The following PSMG2 variants were observed in gnomAD, a reference collection of about 807,000 sequenced individuals.
PSMG2 encodes the protein CD40 ligand-activated specific transcript 3.
A neutral mutation model predicts 31.5 loss-of-function variants in PSMG2; 21 were observed. The observed-to-expected ratio is 0.67, with a 90% CI of 0.47 to 0.96. PSMG2 has a LOEUF of 0.96. Among genes scored for constraint, PSMG2 ranks in the 40% least tolerant of loss-of-function variants. PSMG2 has a pLI of 0.00. For synonymous variants in PSMG2, 120 were observed against 110.4 expected (o/e 1.09, Z -0.54); for missense variants, 318 against 321.2 (o/e 0.99, Z 0.08).
chr18:12,714,766 C>T (rs2040362604), intron 3 of PSMG2, among the ~76,000 whole-genome samples: 1 of 152,022 alleles, frequency 6.6e-6, no homozygotes, highest in Non-Finnish European at 1.5e-5. Flanking sequence ...AGTGCAATGG[C>T]GTGATCTCAG....
chr18:12,702,630 A>G, upstream of PSMG2: 1 of 1,466,476 alleles, frequency 6.8e-7, no homozygotes, highest in Non-Finnish European at 9.1e-7. Flanking sequence ...AGGGAGCGTT[A>G]GGAGCGACTG....
rs761864830 is a variant in PSMG2 at position 12,712,767 on chromosome 18, A to G, written c.288+7A>G. 3.2e-5 allele frequency: 51 copies of G among 1,598,642 alleles called. No homozygotes were observed. Among genetic ancestry groups the G allele is most frequent in the Non-Finnish European group, 4.3e-5 (50 of 1,168,758 alleles). On this transcript the variant is annotated splice_region_variant and intron_variant, in intron 3 of 6. Coordinates refer to ENST00000317615, the MANE Select transcript of PSMG2 (RefSeq NM_020232.5). ...AAGATCCATTTTTATTAAGGTTAGT[A>G]TGTTGTAGTTTGCCTTTTTGTTTAT...
At chr18:12,675,771 C>A (rs376909703) in intron 1 of PSMG2, among the ~76,000 whole-genome samples, 1 of 151,756 alleles carries the variant, frequency 6.6e-6, no homozygotes, top group East Asian at 2.0e-4. Flanking sequence ...CAGGTTCAAG[C>A]GATTCTCCTG....
intron 1 of PSMG2, among the ~76,000 whole-genome samples, chr18:12,672,217 C>T (rs1471135152): frequency 6.6e-5 from 10 of 151,440 alleles, no homozygotes; most frequent in African/African-American, 1.9e-4. Flanking sequence ...CAGGTTCAAG[C>T]GATTCTCCTG....
At chr18:12,666,513 A>T (rs1598604996) in intron 1 of PSMG2, among the ~76,000 whole-genome samples, 1 of 141,892 alleles carries the variant, frequency 7.0e-6, no homozygotes, top group South Asian at 2.2e-4. Flanking sequence ...ATCATGGCTC[A>T]CTGAAGCCTC....
intron 1 of PSMG2, among the ~76,000 whole-genome samples, chr18:12,678,842 G>C (rs113057157): frequency 0.015 from 2,225 of 152,134 alleles, 65 homozygotes; most frequent in African/African-American, 0.051. Flanking sequence ...TGTAGTCCCA[G>C]CTACTCGGGA....
chr18:12,686,942 T>C (rs2039560974), intron 1 of PSMG2, among the ~76,000 whole-genome samples: 1 of 152,194 alleles, frequency 6.6e-6, no homozygotes, highest in Admixed American at 6.5e-5. Context: ...CAGGAAACAA[T>C]AATTTGTTAA....
chr18:12,672,926 T>A, intron 1 of PSMG2: 1 of 983,904 alleles, frequency 1.0e-6, no homozygotes, highest in Non-Finnish European at 1.2e-6. Flanking sequence ...TAAATAAATC[T>A]GTCATGAGGT....
At chr18:12,686,724 C>A in intron 1 of PSMG2, 1 of 267,784 alleles carries the variant, frequency 3.7e-6, no homozygotes. Context: ...AAGGCTGTGG[C>A]AATAAGAACT....
chr18:12,689,876 G>A (rs967508512), intron 1 of PSMG2, among the ~76,000 whole-genome samples: 2 of 152,090 alleles, frequency 1.3e-5, no homozygotes, highest in East Asian at 3.9e-4. Flanking sequence ...TGCAACCTCC[G>A]CCTCCCGGGT....
chr18:12,663,886 T>C (rs1480372704), intron 1 of PSMG2, among the ~76,000 whole-genome samples: 2 of 152,176 alleles, frequency 1.3e-5, no homozygotes, highest in Non-Finnish European at 2.9e-5. Flanking sequence ...TCCTCCCAGC[T>C]GGGCACAGTG....
At chr18:12,695,310 G>C in intron 1 of PSMG2, 2 of 1,570,070 alleles carry the variant, frequency 1.3e-6, no homozygotes, top group Non-Finnish European at 1.7e-6. Context: ...TACATTTCAA[G>C]TTTTATATTT....
intron 2 of PSMG2, among the ~76,000 whole-genome samples, chr18:12,710,957 C>T (rs1598681762): frequency 6.6e-6 from 1 of 151,954 alleles, no homozygotes; most frequent in Non-Finnish European, 1.5e-5. Flanking sequence ...AAAATTAACC[C>T]GTTGTGACGG....
intron 1 of PSMG2, chr18:12,697,408 C>T: frequency 6.2e-7 from 1 of 1,602,110 alleles, no homozygotes; most frequent in Non-Finnish European, 8.5e-7. Context: ...AGTTCCATCA[C>T]CTAGCAATAT....
At chr18:12,688,039 C>G (rs559916098) in intron 1 of PSMG2, among the ~76,000 whole-genome samples, 1 of 151,696 alleles carries the variant, frequency 6.6e-6, no homozygotes, top group Non-Finnish European at 1.5e-5. Context: ...GTCAGGAGAT[C>G]AATTCCATCC....
chr18:12,664,739 C>T (rs528790294), intron 1 of PSMG2, among the ~76,000 whole-genome samples: 1 of 149,732 alleles, frequency 6.7e-6, no homozygotes, highest in Non-Finnish European at 1.5e-5. Context: ...TGCTCTGTCG[C>T]TCAGGCTGGA....
chr18:12,672,555 G>GA (rs36027163), intron 1 of PSMG2: 7 of 565,082 alleles, frequency 1.2e-5, no homozygotes, highest in African/African-American at 3.6e-5. Context: ...TTATCACAAT[G>GA]AAAGAAAAAA....
intron 3 of PSMG2, among the ~76,000 whole-genome samples, chr18:12,718,116 C>G (rs1008804274): frequency 1.3e-5 from 2 of 149,846 alleles, no homozygotes; most frequent in African/African-American, 4.9e-5. Context: ...TCAAGTGATT[C>G]TCCTGTCTCA....
chr18:12,666,002 A>G (rs930479053), intron 1 of PSMG2, among the ~76,000 whole-genome samples: 6 of 151,998 alleles, frequency 3.9e-5, no homozygotes, highest in African/African-American at 9.7e-5. Context: ...GCCCAACACA[A>G]TTATTTTAAT....
Sources: gnomAD v4.1 joint callset for allele counts (sites outside exome capture counted in the v4.1 genomes callset) on GRCh38, gnomAD v4.1.1 for gene constraint, MANE v1.5 for transcripts, NCBI Gene and HGNC (gene_info 2026-07-23, HGNC 2026-07-21) for gene names.